FAP: variants seen among roughly 807,000 people sequenced by gnomAD.
FAP encodes prolyl endopeptidase FAP.
In FAP, 110 loss-of-function variants were observed where a neutral mutation model predicts 126.5. The observed-to-expected ratio is 0.87, with a 90% CI of 0.74 to 1.02. The LOEUF (loss-of-function observed/expected upper bound fraction) is 1.02. Ranked by LOEUF, FAP falls within the 50% of genes least tolerant of loss-of-function variation. The pLI, the probability that FAP is intolerant of heterozygous loss-of-function variation, is 0.00. For synonymous variants in FAP, 334 were observed against 297.3 expected, an observed-to-expected ratio of 1.12 and a Z score of -1.27; for missense variants, 919 against 909.2, an observed-to-expected ratio of 1.01 and a Z score of -0.14.
At chr2:162,198,119 C>A in intron 16 of FAP, 1 of 1,198,962 alleles carries the variant, frequency 8.3e-7, no homozygotes, top group Non-Finnish European at 1.1e-6. Context: ...TCCTAAACAA[C>A]CAGGAAATGT....
intron 9 of FAP, 29 bp downstream of exon 9, chr2:162,217,957 G>T: frequency 6.6e-7 from 1 of 1,507,834 alleles, no homozygotes; most frequent in South Asian, 1.3e-5. Flanking sequence ...CCAGGAAAAT[G>T]AAAGCATCGC....
intron 2 of FAP, among the ~76,000 whole-genome samples, chr2:162,241,088 A>G (rs1690327670): frequency 6.6e-6 from 1 of 152,168 alleles, no homozygotes; most frequent in Admixed American, 6.5e-5. Context: ...GCAAATTTAG[A>G]AGAGAAAGAG....
chr2:162,232,670 A>G (rs1178721845), intron 2 of FAP, among the ~76,000 whole-genome samples: 1 of 152,214 alleles, frequency 6.6e-6, no homozygotes, highest in Non-Finnish European at 1.5e-5. Flanking sequence ...TCTATGAACA[A>G]TACTGAATAA....
chr2:162,216,065 A>G lies in FAP; in HGVS notation c.763-64T>C, dbSNP rs554164042. The G allele has an allele frequency of 1.5e-4, 180 of 1,192,126 alleles. No individual in the cohort carries two copies. In the African/African-American group the frequency reaches 2.3e-3, roughly 15 times the overall value. The allele number at this position is 1,192,126 out of a possible 1,614,324, so 73.8% of individuals were successfully genotyped here. A position where few individuals can be genotyped will look rare whatever the true frequency, so the allele number is the denominator to read the frequency against. On this transcript the variant is annotated intron_variant, in intron 9 of 25. Transcript: ENST00000188790. ...CAATTATCACCAACATTTTAAAGAA[A>G]CTTTAGGAATTTAGATATATTTTTC...
intron 17 of FAP, among the ~76,000 whole-genome samples, chr2:162,192,718 C>T (rs919076001): frequency 6.6e-6 from 1 of 152,072 alleles, no homozygotes; most frequent in Non-Finnish European, 1.5e-5. Flanking sequence ...GCCTCAAGCT[C>T]AACATTTAAA....
In FAP at chr2:162,188,228, G is replaced by T; in HGVS notation, c.1755C>A (p.Leu585=). Residue 585 remains leucine, a synonymous_variant, in exon 20 of 26, where the codon CTC becomes CTA. Coordinates refer to ENST00000188790, the MANE Select transcript of FAP (RefSeq NM_004460.5). ...CACCCAGCTTTCGATACACTGCATA[G>T]AGGAGTTTGTCACCTTGGAAAGCTG... The part of the protein sequence containing the change: ...RGTAFQGDKL[L]YAVYRKLGVY... The T allele has an allele frequency of 6.2e-7, 1 of 1,613,298 alleles. No individual in the cohort carries two copies. The highest frequency in any genetic ancestry group is 8.5e-7 in the Non-Finnish European group (1 of 1,179,468).
At chr2:162,225,055 C>T (rs1364535860) in intron 4 of FAP, among the ~76,000 whole-genome samples, 1 of 152,204 alleles carries the variant, frequency 6.6e-6, no homozygotes, top group South Asian at 2.1e-4. Context: ...CTGCCCTAAG[C>T]ACTTGCAAAT....
At position 162,194,729 on chromosome 2, in the gene FAP, G is replaced by A. The variant is rs751752558; in HGVS notation, c.1422C>T (p.Ser474=). ...LVCYGPGIPI[S]TLHDGRTDQE... ...GATCAGTGCGTCCATCATGAAGGGT[G>A]GAAATGGGGATGCCTGGGCCTGTGG... The change falls in exon 17 of 26, where the codon TCC becomes TCT. Residue 474 remains serine (S), a synonymous_variant. Transcript: ENST00000188790. 40 of 1,613,504 alleles carry A rather than the reference G, an allele frequency of 2.5e-5. No homozygotes were observed. The highest frequency in any genetic ancestry group is 4.0e-5 in the African/African-American group (3 of 74,876).
chr2:162,185,843 C>A (rs546585827), intron 20 of FAP, among the ~76,000 whole-genome samples: 1 of 152,098 alleles, frequency 6.6e-6, no homozygotes, highest in Non-Finnish European at 1.5e-5. Flanking sequence ...TCCTAAAACA[C>A]TTCCTTAGGA....
In FAP at chr2:162,194,541, A is replaced by G. The variant is rs80104681; in HGVS notation, c.1450+160T>C. 5.0e-3 allele frequency among the ~76,000 whole-genome samples: 755 copies of G among 152,282 alleles called. 6 individuals carry two copies. The highest frequency in any genetic ancestry group is 0.018 in the African/African-American group (734 of 41,546). On this transcript the variant is annotated intron_variant, in intron 17 of 25. Transcript: ENST00000188790. The stretch of plus-strand genomic sequence containing the variant: ...ATTTCATAGGATCATATTTGACCCA[A>G]ATAATATCCAAATCTGTGCAATAAT...
intron 6 of FAP, among the ~76,000 whole-genome samples, chr2:162,221,253 A>AC (rs1689382488): frequency 6.6e-6 from 1 of 152,002 alleles, no homozygotes; most frequent in Admixed American, 6.6e-5. Context: ...TAAAAGATTG[A>AC]CCCAGGCCTG....
intron 6 of FAP, among the ~76,000 whole-genome samples, chr2:162,220,827 T>A (rs1454927370): frequency 6.6e-6 from 1 of 152,176 alleles, no homozygotes; most frequent in Non-Finnish European, 1.5e-5. Context: ...ACTTTTGTCA[T>A]CTTGAAGATT....
chr2:162,213,196 T>C (rs1337661448), intron 11 of FAP, among the ~76,000 whole-genome samples: 1 of 151,788 alleles, frequency 6.6e-6, no homozygotes, highest in African/African-American at 2.4e-5. Context: ...GCCAACATGG[T>C]GAAACCCCGT....
intron 24 of FAP, 47 bp from the exon 25 acceptor site, chr2:162,172,931 G>C: frequency 6.9e-7 from 1 of 1,447,696 alleles, no homozygotes; most frequent in South Asian, 1.1e-5. Flanking sequence ...ATACCAGAAA[G>C]CATAGAGTGA....
intron 21 of FAP, among the ~76,000 whole-genome samples, chr2:162,178,406 C>A (rs1463736998): frequency 1.3e-5 from 2 of 152,162 alleles, no homozygotes; most frequent in Non-Finnish European, 2.9e-5. Context: ...TTATAGGGGG[C>A]TGTCCTATGT....
At chr2:162,209,757 A>G (rs888939369) in intron 12 of FAP, 195 bp downstream of exon 12, 19 of 555,784 alleles carry the variant, frequency 3.4e-5, no homozygotes, top group Admixed American at 2.3e-4. Context: ...GTTATTTTCA[A>G]TAGAATTCTA....
intron 6 of FAP, among the ~76,000 whole-genome samples, chr2:162,220,757 A>G (rs529435948): frequency 6.6e-6 from 1 of 152,320 alleles, no homozygotes; most frequent in African/African-American, 2.4e-5. Context: ...TTCTTCAGCA[A>G]GAATGCATTC....
intron 10 of FAP, 108 bp from the exon 11 acceptor site, chr2:162,214,181 T>C: frequency 1.1e-6 from 1 of 909,294 alleles, no homozygotes; most frequent in Non-Finnish European, 1.6e-6. Context: ...TATACATTAC[T>C]TATTTAATAG....
chr2:162,199,304 T>C (rs997548656), intron 15 of FAP, among the ~76,000 whole-genome samples: 2 of 152,218 alleles, frequency 1.3e-5, no homozygotes, highest in African/African-American at 4.8e-5. Context: ...GTCCCTGTTC[T>C]TACCATATAT....
Sources: allele counts gnomAD v4.1 joint callset (sites outside exome capture counted in the v4.1 genomes callset), GRCh38; gene constraint gnomAD v4.1.1; transcripts MANE v1.5; gene names NCBI Gene and HGNC (gene_info 2026-07-23, HGNC 2026-07-21).